MTSS1: variants seen among roughly 807,000 people sequenced by gnomAD.
MTSS1 encodes the protein MTSS I-BAR domain containing 1, also known as protein MTSS 1.
In MTSS1, 18 loss-of-function variants were observed where a neutral mutation model predicts 79.0. The observed-to-expected ratio is 0.23, with a 90% confidence interval of 0.16 to 0.34. The LOEUF is 0.34. MTSS1 is among the 10% of genes least tolerant of loss of function. The probability of loss-of-function intolerance (pLI) is 1.00; values close to 1 mark genes in which losing one functional copy is unlikely to be tolerated. For missense variants in MTSS1, 815 were observed against 986.2 expected (o/e 0.83, Z 2.33); for synonymous variants, 341 against 368.6 (o/e 0.93, Z 0.86).
At chr8:124,580,458 T>C in intron 6 of MTSS1, 1 of 1,394,508 alleles carries the variant, frequency 7.2e-7, no homozygotes, top group East Asian at 2.5e-5. Context: ...TAGAAAAACC[T>C]GGGCAGCTAG....
intron 13 of MTSS1, 49 bp downstream of exon 13, chr8:124,555,693 C>A (rs1306787745): frequency 6.6e-7 from 1 of 1,520,110 alleles, no homozygotes; most frequent in East Asian, 2.3e-5. Context: ...TATCTCCTCA[C>A]CTGGTGCTGC....
intron 3 of MTSS1, among the ~76,000 whole-genome samples, chr8:124,631,229 C>T (rs557314888): frequency 1.1e-4 from 17 of 152,282 alleles, no homozygotes; most frequent in Admixed American, 7.8e-4. Context: ...ATTCCAGGCA[C>T]GCTGCCACAG....
rs553835360 is a variant in MTSS1, at chr8:124,608,735, T to C, written c.209-17500A>G. 7.9e-5 allele frequency among the ~76,000 whole-genome samples: 12 copies of C among 152,276 alleles called. No individual in the cohort carries two copies. The South Asian group carries it at 2.5e-3, about 32-fold the overall frequency. On this transcript the variant is annotated intron_variant, in intron 3 of 13. Coordinates refer to ENST00000518547, the MANE Select transcript of MTSS1 (RefSeq NM_014751.6). ...CTCTTGGGCTAATTCTGATCAGGTGTATGGATGCCTGGGGCACTGTGTGGA... is the reference window on the plus strand; with the variant it reads ...CTCTTGGGCTAATTCTGATCAGGTGCATGGATGCCTGGGGCACTGTGTGGA...
At chr8:124,637,917 T>C (rs192156924) in intron 3 of MTSS1, among the ~76,000 whole-genome samples, 394 of 152,354 alleles carry the variant, frequency 2.6e-3, no homozygotes, top group Non-Finnish European at 4.4e-3. Flanking sequence ...TCAAAGAACA[T>C]ATCCTCTTAT....
rs374724422 is a variant in MTSS1, at chr8:124,551,339, TTAAA to T, written c.*1649_*1652del. 3.9e-5 allele frequency: 6 copies of T among 152,766 alleles called. No homozygotes were observed. The East Asian group carries it at 5.8e-4, about 15-fold the overall frequency. The allele number at this position is 152,766 out of a possible 1,614,324, so 9.5% of individuals were successfully genotyped here. The stretch of plus-strand genomic sequence containing the variant: ...GAGCTTGTTTTTCAAAGAAAAAAGC[TTAAA>T]TAGTTTCTAATAATCATGCCTTTGC... On this transcript the variant is annotated 3_prime_UTR_variant, in exon 14 of 14. Coordinates refer to ENST00000518547, the MANE Select transcript of MTSS1 (RefSeq NM_014751.6).
chr8:124,687,496 C>T (rs909720164), intron 3 of MTSS1, among the ~76,000 whole-genome samples: 63 of 152,160 alleles, frequency 4.1e-4, no homozygotes, highest in African/African-American at 1.4e-3. Flanking sequence ...GGCTGAAATC[C>T]GGGCAAGCTC....
chr8:124,640,064 G>A (rs1817738526), intron 3 of MTSS1, among the ~76,000 whole-genome samples: 1 of 152,200 alleles, frequency 6.6e-6, no homozygotes, highest in African/African-American at 2.4e-5. Flanking sequence ...CCCAGCTGCA[G>A]TGCTGGACAG....
intron 3 of MTSS1, among the ~76,000 whole-genome samples, chr8:124,692,289 CA>C (rs1399953412): frequency 6.6e-6 from 1 of 151,864 alleles, no homozygotes; most frequent in Non-Finnish European, 1.5e-5. Context: ...CTCGGCCTCT[CA>C]AATGATTCGA....
intron 3 of MTSS1, among the ~76,000 whole-genome samples, chr8:124,606,714 T>A (rs1304335605): frequency 6.7e-6 from 1 of 148,594 alleles, no homozygotes; most frequent in Admixed American, 6.7e-5. Context: ...CCCCCGAACA[T>A]CTGTTTTATC....
At chr8:124,554,064 A>C (rs894470209) in intron 13 of MTSS1, among the ~76,000 whole-genome samples, 2 of 152,248 alleles carry the variant, frequency 1.3e-5, no homozygotes, top group African/African-American at 4.8e-5. Flanking sequence ...TGAAGATCAA[A>C]CCTCAAATAG....
At chr8:124,694,389 G>A (rs2382996) in intron 3 of MTSS1, among the ~76,000 whole-genome samples, 54,554 of 151,636 alleles carry the variant, frequency 0.36, 10,533 homozygotes, top group Non-Finnish European at 0.41. Context: ...AGTTTAGATG[G>A]TAATACATCC....
At position 124,569,525 on chromosome 8, in the gene MTSS1, C is replaced by T. The variant is rs183328748; in HGVS notation, c.461-989G>A. ...AAGGAGCAGCTACTACAAATCTGAT[C>T]TGTAGGTGGGGACAGCAGGGTGACA... is the stretch of plus-strand genomic sequence containing the variant. On this transcript the variant is annotated intron_variant, in intron 6 of 13. Transcript: ENST00000518547. Among the ~76,000 whole-genome samples, 701 of 152,330 alleles carry T rather than the reference C, an allele frequency of 4.6e-3. 24 individuals carry two copies. The highest frequency in any genetic ancestry group is 0.041 in the Admixed American group (629 of 15,296).
intron 5 of MTSS1, among the ~76,000 whole-genome samples, chr8:124,589,032 C>CT (rs902627258): frequency 9.3e-5 from 14 of 149,892 alleles, no homozygotes; most frequent in South Asian, 2.1e-4. Context: ...TCTTCTTTTT[C>CT]TTTTTTTTTG....
intron 3 of MTSS1, among the ~76,000 whole-genome samples, chr8:124,660,612 T>C (rs982842527): frequency 6.6e-6 from 1 of 152,158 alleles, no homozygotes; most frequent in Non-Finnish European, 1.5e-5. Flanking sequence ...TCCCACTTGC[T>C]GGGGCTGAGA....
intron 3 of MTSS1, among the ~76,000 whole-genome samples, chr8:124,666,070 C>T (rs374846706): frequency 6.6e-6 from 1 of 152,318 alleles, no homozygotes; most frequent in South Asian, 2.1e-4. Context: ...ACAATGTGCT[C>T]ATTAGCACCC....
intron 1 of MTSS1, among the ~76,000 whole-genome samples, chr8:124,705,947 AC>A (rs1353479388): frequency 6.6e-6 from 1 of 152,186 alleles, no homozygotes; most frequent in South Asian, 2.1e-4. Flanking sequence ...CCCCTAGGGG[AC>A]AAAAATCACG....
rs76863004 is a variant in MTSS1 at position 124,714,183 on chromosome 8, T to C, written c.73-9992A>G. On this transcript the variant is annotated intron_variant, in intron 1 of 13. Transcript: ENST00000518547. ...AGTTTTCAAAGGTGAAAACCTGCCA[T>C]GTGGGAATCTAAACTGACGTCATGA... Among the ~76,000 whole-genome samples, 1,419 of 152,296 alleles carry C rather than the reference T, an allele frequency of 9.3e-3. 63 individuals carry two copies. Among genetic ancestry groups the C allele is most frequent in the Admixed American group, 0.071 (1,094 of 15,304 alleles).
intron 10 of MTSS1, among the ~76,000 whole-genome samples, chr8:124,561,159 C>T (rs190046926): frequency 2.6e-5 from 4 of 152,238 alleles, no homozygotes; most frequent in East Asian, 1.9e-4. Context: ...TGGCCGGGCG[C>T]GGTGGCTCAT....
chr8:124,562,836 C>T lies in MTSS1; in HGVS notation c.981G>A (p.Gln327=). ...ATGGTGACTTGGACTGGAAGGCATCCTGGGATATGAATCCTGAGTCATGGG... is the reference window on the plus strand; with the variant it reads ...ATGGTGACTTGGACTGGAAGGCATCTTGGGATATGAATCCTGAGTCATGGG... The part of the protein sequence containing the change: ...VSSHDSGFIS[Q]DAFQSKSPSP... The change falls in exon 10 of 14, where the codon CAG becomes CAA. Residue 327 remains glutamine (Q), a synonymous_variant. Transcript: ENST00000518547. The T allele has an allele frequency of 6.2e-7, 1 of 1,614,170 alleles. No individual in the cohort carries two copies. Among genetic ancestry groups the T allele is most frequent in the South Asian group, 1.1e-5 (1 of 91,078 alleles).
Sources: allele counts gnomAD v4.1 joint callset (sites outside exome capture counted in the v4.1 genomes callset), GRCh38; gene constraint gnomAD v4.1.1; transcripts MANE v1.5; gene names NCBI Gene and HGNC (gene_info 2026-07-23, HGNC 2026-07-21).